PTPRG: variants seen among roughly 807,000 people sequenced by gnomAD.
PTPRG encodes receptor-type tyrosine-protein phosphatase gamma.
In PTPRG, 102 loss-of-function variants were observed where a neutral mutation model predicts 165.3. That is an observed-to-expected ratio of 0.62 (90% CI 0.53 to 0.73). PTPRG has a LOEUF of 0.73. Among genes scored for constraint, PTPRG ranks in the 30% least tolerant of loss-of-function variants. The pLI is 0.00. For synonymous variants in PTPRG, 675 were observed against 669.5 expected, an observed-to-expected ratio of 1.01 and a Z score of -0.13; for missense variants, 1,866 against 1,861.4, an observed-to-expected ratio of 1.00 and a Z score of -0.05.
At chr3:62,021,797 G>A (rs976249267) in intron 4 of PTPRG, among the ~76,000 whole-genome samples, 1 of 151,362 alleles carries the variant, frequency 6.6e-6, no homozygotes, top group South Asian at 2.1e-4. Flanking sequence ...CCTAATATGG[G>A]GCTAATACAT....
chr3:61,695,944 G>A (rs1032818607), intron 1 of PTPRG, among the ~76,000 whole-genome samples: 3 of 152,160 alleles, frequency 2.0e-5, no homozygotes, highest in African/African-American at 7.2e-5. Context: ...ATGAGTGAAT[G>A]AGTATGTTGG....
intron 2 of PTPRG, among the ~76,000 whole-genome samples, chr3:61,832,698 T>A (rs1030114204): frequency 9.9e-5 from 15 of 152,176 alleles, no homozygotes; most frequent in African/African-American, 3.4e-4. Flanking sequence ...TTAAAAAAAA[T>A]ATTTATTTCT....
chr3:62,106,781 G>T (rs564532705), intron 5 of PTPRG, among the ~76,000 whole-genome samples: 1 of 152,242 alleles, frequency 6.6e-6, no homozygotes, highest in African/African-American at 2.4e-5. Flanking sequence ...ATCTGGCCTG[G>T]CTTCCTCTGA....
rs1364374805 is a variant in PTPRG, at chr3:62,203,472, G to T, written c.1677G>T (p.Leu559Phe). ...CAGTCCTAGCCACCACAGAGGCCTT[G>T]GCTTCTCCAGGGCCCGATGGTGATT... is the stretch of plus-strand genomic sequence containing the variant. ...ARPVLATTEA[L>F]ASPGPDGDSS... Residue 559 changes from leucine to phenylalanine, a missense_variant, in exon 12 of 30, where the codon TTG becomes TTT. Physicochemically the swap from Leu to Phe is conservative, Grantham distance 22 (BLOSUM62 0). Coordinates refer to ENST00000474889, the MANE Select transcript of PTPRG (RefSeq NM_002841.4). This position sits in a 1 kb window ranked among gnomAD's most constrained non-coding sequence, Gnocchi z 6.4. The T allele has an allele frequency of 1.3e-6, 2 of 1,578,148 alleles. No individual in the cohort carries two copies. Among genetic ancestry groups the T allele is most frequent in the Non-Finnish European group, 1.7e-6 (2 of 1,161,004 alleles).
At chr3:62,100,849 GT>G (rs571970781) in intron 5 of PTPRG, among the ~76,000 whole-genome samples, 19 of 151,998 alleles carry the variant, frequency 1.3e-4, no homozygotes, top group Non-Finnish European at 2.2e-4. Context: ...TTTTTGTTTT[GT>G]TTCGTTTTAT....
chr3:61,750,256 CTGTGG>C (rs754761428), intron 2 of PTPRG: 6 of 152,180 alleles, frequency 3.9e-5, no homozygotes, highest in Non-Finnish European at 8.8e-5. Context: ...ATTTTGTACT[CTGTGG>C]CTCTGACATC....
intron 2 of PTPRG, among the ~76,000 whole-genome samples, chr3:61,762,230 G>GAGTT (rs2033865373): frequency 6.6e-6 from 1 of 152,102 alleles, no homozygotes. Flanking sequence ...ATTTCCTAAT[G>GAGTT]AGTTATCTTT....
At chr3:62,127,548 G>C (rs1442199225) in intron 5 of PTPRG, among the ~76,000 whole-genome samples, 1 of 152,132 alleles carries the variant, frequency 6.6e-6, no homozygotes, top group African/African-American at 2.4e-5. Flanking sequence ...CATGGTTAAC[G>C]GTATAGCCAT....
chr3:61,674,173 A>G (rs114495229), intron 1 of PTPRG, among the ~76,000 whole-genome samples: 12,246 of 124,314 alleles, frequency 0.099, 690 homozygotes, highest in Non-Finnish European at 0.13. Context: ...CAGAACAAGT[A>G]TAATAATAAT....
At chr3:61,871,198 A>G (rs570867710) in intron 2 of PTPRG, among the ~76,000 whole-genome samples, 7 of 149,454 alleles carry the variant, frequency 4.7e-5, no homozygotes, top group African/African-American at 1.2e-4. Flanking sequence ...ATGTTATGTT[A>G]TGTTATGTTA....
intron 5 of PTPRG, among the ~76,000 whole-genome samples, chr3:62,079,869 A>G (rs1701506124): frequency 6.6e-6 from 1 of 152,224 alleles, no homozygotes; most frequent in African/African-American, 2.4e-5. Context: ...TGGTAATTAA[A>G]GGACTTCCTA....
At chr3:62,183,734 C>A (rs934051830) in intron 8 of PTPRG, among the ~76,000 whole-genome samples, 2 of 151,936 alleles carry the variant, frequency 1.3e-5, no homozygotes, top group African/African-American at 4.8e-5. Context: ...TTAGAGAGAC[C>A]CGAAGGAGTT....
chr3:61,937,193 C>A (rs2039502371), intron 2 of PTPRG, among the ~76,000 whole-genome samples: 1 of 152,158 alleles, frequency 6.6e-6, no homozygotes, highest in Non-Finnish European at 1.5e-5. Flanking sequence ...GAGACCTAAC[C>A]TGTGTGAGAG....
chr3:62,283,664 T>C (rs909708605), intron 28 of PTPRG, among the ~76,000 whole-genome samples: 1 of 152,142 alleles, frequency 6.6e-6, no homozygotes, highest in Non-Finnish European at 1.5e-5. Context: ...TTCATTAAAT[T>C]ACCAACTAGC....
At chr3:61,634,322 C>G (rs372184131) in intron 1 of PTPRG, among the ~76,000 whole-genome samples, 4 of 151,946 alleles carry the variant, frequency 2.6e-5, no homozygotes, top group African/African-American at 9.7e-5. Context: ...ACTGCAGCCT[C>G]CGCCTCCCAG....
intron 2 of PTPRG, among the ~76,000 whole-genome samples, chr3:61,892,632 C>T: frequency 6.6e-6 from 1 of 151,998 alleles, no homozygotes; most frequent in East Asian, 1.9e-4. Context: ...GCCTGACCAA[C>T]ATGGAGAAAC....
chr3:61,920,326 A>G (rs1194844897), intron 2 of PTPRG, among the ~76,000 whole-genome samples: 4 of 149,088 alleles, frequency 2.7e-5, no homozygotes, highest in Non-Finnish European at 4.5e-5. Flanking sequence ...TAGTTTGTAC[A>G]TGAATGAGCA....
chr3:62,267,292 T>C, intron 17 of PTPRG, 118 bp from the exon 18 acceptor site: 1 of 756,570 alleles, frequency 1.3e-6, no homozygotes, highest in Non-Finnish European at 2.2e-6. Flanking sequence ...TGCCAAAAGT[T>C]TTCTCAGACT....
chr3:62,161,765 G>C (rs575195630), intron 7 of PTPRG, among the ~76,000 whole-genome samples: 2 of 152,334 alleles, frequency 1.3e-5, no homozygotes, highest in East Asian at 3.9e-4. Context: ...TATGTTTGCA[G>C]CTGTGGTTCA....
Sources: gnomAD v4.1 joint callset for allele counts (sites outside exome capture counted in the v4.1 genomes callset) on GRCh38, gnomAD v4.1.1 for gene constraint, Gnocchi (gnomAD v3.1) non-coding constraint, MANE v1.5 for transcripts, NCBI Gene and HGNC (gene_info 2026-07-23, HGNC 2026-07-21) for gene names.